Variants in WNT3 observed in about 807,000 individuals in gnomAD.
WNT3 encodes Wnt family member 3, also known as proto-oncogene Wnt-3.
Under a neutral mutation model 34.2 loss-of-function variants are expected in WNT3, and 7 were observed. The ratio of observed to expected loss-of-function variants is 0.20; its 90% CI spans 0.12 to 0.38. The LOEUF (loss-of-function observed/expected upper bound fraction) is 0.38, where lower values mean the gene tolerates loss of function less well. Ranked by LOEUF, WNT3 falls within the 10% of genes least tolerant of loss-of-function variation. WNT3 has a pLI of 1.00. For synonymous variants in WNT3, 212 were observed against 211.5 expected (o/e 1.00, Z -0.02); for missense variants, 267 against 499.8 (o/e 0.53, Z 4.44).
intron 1 of WNT3, among the ~76,000 whole-genome samples, chr17:46,814,521 T>A (rs2084315879): frequency 6.6e-6 from 1 of 152,190 alleles, no homozygotes; most frequent in Non-Finnish European, 1.5e-5. Flanking sequence ...GGGAAAGGTC[T>A]GCCCTGGAAG....
Position 46,768,248 on chromosome 17 carries a change from G to A in WNT3, c.*8+64C>T. On this transcript the variant is annotated intron_variant, in intron 4 of 4. Coordinates refer to ENST00000225512, the MANE Select transcript of WNT3 (RefSeq NM_030753.5). This position sits in a 1 kb window ranked among gnomAD's most constrained non-coding sequence, Gnocchi z 5.0. ...AAGGGGGTCGTCAAGAAGACGAGATGGGCAAACAACCCCATTCCCTGCGCC... is the reference window on the plus strand; with the variant it reads ...AAGGGGGTCGTCAAGAAGACGAGATAGGCAAACAACCCCATTCCCTGCGCC... The A allele has an allele frequency of 1.2e-6, 2 of 1,605,892 alleles. No individual in the cohort carries two copies. Among genetic ancestry groups the A allele is most frequent in the South Asian group, 1.1e-5 (1 of 90,692 alleles).
intron 1 of WNT3, among the ~76,000 whole-genome samples, chr17:46,776,739 A>G (rs1216819216): frequency 6.6e-6 from 1 of 152,048 alleles, no homozygotes; most frequent in Non-Finnish European, 1.5e-5. Context: ...GCAGCTCAGG[A>G]ACAAGACCCA....
At chr17:46,771,098 C>G (rs537348318) in intron 2 of WNT3, among the ~76,000 whole-genome samples, 1 of 152,298 alleles carries the variant, frequency 6.6e-6, no homozygotes, top group East Asian at 1.9e-4. Context: ...GAAGGAAGCC[C>G]GGGACCCCTC....
intron 1 of WNT3, among the ~76,000 whole-genome samples, chr17:46,805,441 C>T (rs922567100): frequency 1.3e-5 from 2 of 151,966 alleles, no homozygotes; most frequent in Admixed American, 6.6e-5. Flanking sequence ...GGTGTGGTGG[C>T]GGGCGCCTAT....
chr17:46,799,341 A>G (rs2084094263), intron 1 of WNT3, among the ~76,000 whole-genome samples: 1 of 152,194 alleles, frequency 6.6e-6, no homozygotes, highest in Non-Finnish European at 1.5e-5. Context: ...TTTCTGCTCT[A>G]AAGAAGCCTG....
chr17:46,795,606 C>T (rs1225675050), intron 1 of WNT3, among the ~76,000 whole-genome samples: 1 of 152,188 alleles, frequency 6.6e-6, no homozygotes, highest in Non-Finnish European at 1.5e-5. Context: ...GTCCAGCCTG[C>T]AAACATTTCC....
intron 1 of WNT3, among the ~76,000 whole-genome samples, chr17:46,782,782 G>T (rs770584903): frequency 6.6e-6 from 1 of 152,250 alleles, no homozygotes; most frequent in Non-Finnish European, 1.5e-5. Context: ...GCTTGGCAGG[G>T]AGCTTGTGAC....
chr17:46,816,196 G>A (rs910358420), intron 1 of WNT3, among the ~76,000 whole-genome samples: 5 of 148,394 alleles, frequency 3.4e-5, no homozygotes, highest in Non-Finnish European at 5.9e-5. Context: ...CAAGCCCAGC[G>A]TCACAGGCAG....
intron 1 of WNT3, among the ~76,000 whole-genome samples, chr17:46,780,669 A>C (rs1420306918): frequency 6.6e-6 from 1 of 152,154 alleles, no homozygotes; most frequent in Non-Finnish European, 1.5e-5. Context: ...CCAGCTACTC[A>C]GAGAGGCTGA....
Position 46,763,609 on chromosome 17 carries a change from T to C in WNT3, c.*1021A>G, listed in dbSNP as rs1307357654. ...AGTCACAAAGTTGGAATTTCAGGAATTGATGGCTACTCCCTCACGGACCCT... is the reference window on the plus strand; with the variant it reads ...AGTCACAAAGTTGGAATTTCAGGAACTGATGGCTACTCCCTCACGGACCCT... On this transcript the variant is annotated 3_prime_UTR_variant, in exon 5 of 5. Transcript: ENST00000225512. 2 of 152,122 alleles carry C rather than the reference T, an allele frequency of 1.3e-5. No homozygotes were observed. The highest frequency in any genetic ancestry group is 2.9e-5 in the Non-Finnish European group (2 of 68,026). The allele number at this position is 152,122 out of a possible 1,614,324, so 9.4% of individuals were successfully genotyped here. A position where few individuals can be genotyped will look rare whatever the true frequency, so the allele number is the denominator to read the frequency against.
chr17:46,775,734 C>T (rs574195941), intron 1 of WNT3, among the ~76,000 whole-genome samples: 8 of 151,994 alleles, frequency 5.3e-5, no homozygotes, highest in Admixed American at 5.2e-4. Context: ...CTGCCTCAGC[C>T]TCCCGAGTAG....
chr17:46,794,746 CTTTT>C (rs1349902566), intron 1 of WNT3, among the ~76,000 whole-genome samples: 3 of 133,494 alleles, frequency 2.2e-5, no homozygotes, highest in African/African-American at 8.7e-5. Flanking sequence ...TTCTTTCTTT[CTTTT>C]TCTTTTTTTT....
At chr17:46,773,088 T>C (rs903944975) in intron 2 of WNT3, among the ~76,000 whole-genome samples, 1 of 152,148 alleles carries the variant, frequency 6.6e-6, no homozygotes, top group Non-Finnish European at 1.5e-5. Flanking sequence ...CCCTGTCCAC[T>C]TGAGGCACAG....
rs188924147 is a variant in WNT3, at chr17:46,808,035, G to A, written c.80+10483C>T. Reference sequence around the variant, plus strand: ...ATTCTGCCCAGCTGCTTTCTAGCACGTATATGATGGAGACCAGATGCAAAG... The same window carrying A: ...ATTCTGCCCAGCTGCTTTCTAGCACATATATGATGGAGACCAGATGCAAAG... On this transcript the variant is annotated intron_variant, in intron 1 of 4. Coordinates refer to ENST00000225512, the MANE Select transcript of WNT3 (RefSeq NM_030753.5). 6.6e-5 allele frequency among the ~76,000 whole-genome samples: 10 copies of A among 152,346 alleles called. No homozygotes were observed. The East Asian group carries it at 1.7e-3, about 26-fold the overall frequency.
intron 4 of WNT3, among the ~76,000 whole-genome samples, chr17:46,766,562 C>A (rs1161340742): frequency 6.6e-6 from 1 of 152,172 alleles, no homozygotes; most frequent in African/African-American, 2.4e-5. Context: ...TGTTCAGATA[C>A]CGACAAAGGT....
intron 1 of WNT3, among the ~76,000 whole-genome samples, chr17:46,784,106 G>A (rs1427231049): frequency 6.6e-6 from 1 of 152,132 alleles, no homozygotes; most frequent in Non-Finnish European, 1.5e-5. Context: ...TGTGGCAGGG[G>A]ATGGGCCCGC....
At chr17:46,807,325 A>C (rs2084210679) in intron 1 of WNT3, among the ~76,000 whole-genome samples, 1 of 152,198 alleles carries the variant, frequency 6.6e-6, no homozygotes, top group Non-Finnish European at 1.5e-5. Context: ...TCTACTGAAA[A>C]TACAAAATTA....
intron 1 of WNT3, among the ~76,000 whole-genome samples, chr17:46,798,980 G>A (rs369379603): frequency 7.9e-5 from 12 of 151,080 alleles, no homozygotes; most frequent in South Asian, 6.3e-4. Context: ...CCTGTGAGGC[G>A]GAGGTTACAG....
At chr17:46,781,228 C>G (rs1333612766) in intron 1 of WNT3, among the ~76,000 whole-genome samples, 3 of 52,336 alleles carry the variant, frequency 5.7e-5, no homozygotes, top group African/African-American at 2.8e-4. Context: ...TCTGTCCCCC[C>G]AACCAAAAAA....
Sources: allele counts gnomAD v4.1 joint callset (sites outside exome capture counted in the v4.1 genomes callset), GRCh38; gene constraint gnomAD v4.1.1; non-coding constraint Gnocchi (gnomAD v3.1); transcripts MANE v1.5; gene names NCBI Gene and HGNC (gene_info 2026-07-23, HGNC 2026-07-21).